The following VWA8 variants were observed in gnomAD, a reference collection of about 807,000 sequenced individuals.
VWA8 encodes the protein von Willebrand factor A domain containing 8.
In VWA8, 221 loss-of-function variants were observed where a neutral mutation model predicts 241.5. That is an observed-to-expected ratio of 0.91 (90% CI 0.82 to 1.02). The LOEUF (loss-of-function observed/expected upper bound fraction) is 1.02, where lower values mean the gene tolerates loss of function less well. VWA8 is among the 50% of genes least tolerant of loss of function. The pLI is 0.00. For synonymous variants in VWA8, 852 were observed against 827.1 expected, an observed-to-expected ratio of 1.03 and a Z score of -0.52; for missense variants, 2,322 against 2,328.7, an observed-to-expected ratio of 1.00 and a Z score of 0.06.
intron 14 of VWA8, among the ~76,000 whole-genome samples, chr13:41,823,461 G>A (rs1871048291): frequency 6.6e-6 from 1 of 152,124 alleles, no homozygotes; most frequent in Non-Finnish European, 1.5e-5. Flanking sequence ...AATATAAACT[G>A]TTAATAACAG....
At chr13:41,825,743 T>C (rs1303556931) in intron 14 of VWA8, among the ~76,000 whole-genome samples, 2 of 152,244 alleles carry the variant, frequency 1.3e-5, no homozygotes, top group Non-Finnish European at 2.9e-5. Flanking sequence ...ATAATCACTT[T>C]GCTAAAATTC....
chr13:41,657,714 C>A (rs1289443490), intron 37 of VWA8, among the ~76,000 whole-genome samples: 1 of 152,100 alleles, frequency 6.6e-6, no homozygotes, highest in African/African-American at 2.4e-5. Context: ...TGGTCTCGAT[C>A]TCCTGACCTC....
At position 41,690,411 on chromosome 13, in the gene VWA8, T is replaced by A. The variant is rs760686632; in HGVS notation, c.3867-136A>T. 7.4e-6 allele frequency: 5 copies of A among 675,914 alleles called. No homozygotes were observed. The African/African-American group carries it at 9.2e-5, about 12-fold the overall frequency. 41.9% of individuals were successfully genotyped at this position (675,914 alleles called of 1,614,324 possible). A position where few individuals can be genotyped will look rare whatever the true frequency, so the allele number is the denominator to read the frequency against. On this transcript the variant is annotated intron_variant, in intron 32 of 44. Transcript: ENST00000379310. Reference sequence around the variant, plus strand: ...TATAATTTGCAGTTTTAGAGTTTCATCATGAATTAACAAATAACTTCTCAA... The same window carrying A: ...TATAATTTGCAGTTTTAGAGTTTCAACATGAATTAACAAATAACTTCTCAA...
intron 4 of VWA8, among the ~76,000 whole-genome samples, chr13:41,899,449 C>T (rs1045606088): frequency 2.6e-5 from 4 of 151,884 alleles, no homozygotes; most frequent in African/African-American, 7.3e-5. Context: ...AGTTGTAGAC[C>T]CAGAACATAT....
rs146969371 is a variant in VWA8 at position 41,745,684 on chromosome 13, C to T, written c.2427-13529G>A. ...TGCCATCTCTCACCAGTTAGAATGACGATCACTAAAAAGTCAGTAAACAAC... is the reference window on the plus strand; with the variant it reads ...TGCCATCTCTCACCAGTTAGAATGATGATCACTAAAAAGTCAGTAAACAAC... On this transcript the variant is annotated intron_variant, in intron 21 of 44. Coordinates refer to ENST00000379310, the MANE Select transcript of VWA8 (RefSeq NM_015058.2). Among the ~76,000 whole-genome samples the T allele has an allele frequency of 6.6e-4, 100 of 152,178 alleles. No homozygotes were observed. In the East Asian group the frequency reaches 0.017, roughly 27 times the overall value.
At position 41,738,807 on chromosome 13, in the gene VWA8, G is replaced by GA. The variant is rs554482531; in HGVS notation, c.2427-6653dup. 1.9e-4 allele frequency among the ~76,000 whole-genome samples: 29 copies of GA among 151,056 alleles called. 1 individual carries two copies. The highest frequency in any genetic ancestry group is 7.7e-4 in the East Asian group (4 of 5,168). ...AAACACATTTTCTAATCATTTTTTT[G>GA]AAAAAAAATGGAAGAATGAAATAAG... On this transcript the variant is annotated intron_variant, in intron 21 of 44. Coordinates refer to ENST00000379310, the MANE Select transcript of VWA8 (RefSeq NM_015058.2).
At chr13:41,718,508 A>G (rs1208788663) in intron 26 of VWA8, among the ~76,000 whole-genome samples, 1 of 151,924 alleles carries the variant, frequency 6.6e-6, no homozygotes, top group East Asian at 1.9e-4. Flanking sequence ...AATAATATAA[A>G]CCAATGCACG....
intron 36 of VWA8, 85 bp from the exon 37 acceptor site, chr13:41,671,232 G>A: frequency 7.0e-7 from 1 of 1,428,598 alleles, no homozygotes; most frequent in Non-Finnish European, 9.8e-7. Context: ...GTTCTTTACT[G>A]TTGAAAAAGT....
At chr13:41,620,018 T>C (rs1158567393) in intron 37 of VWA8, among the ~76,000 whole-genome samples, 2 of 152,350 alleles carry the variant, frequency 1.3e-5, no homozygotes, top group East Asian at 1.9e-4. Flanking sequence ...TCTTTTTCTA[T>C]TGATTGGAAT....
chr13:41,898,894 C>T (rs1250056959), intron 4 of VWA8, among the ~76,000 whole-genome samples: 2 of 43,916 alleles, frequency 4.6e-5, no homozygotes, highest in African/African-American at 9.8e-5. Flanking sequence ...GCCAAGCCCA[C>T]GCCCACCCGG....
chr13:41,584,643 G>A (rs567582429), intron 42 of VWA8, among the ~76,000 whole-genome samples: 5 of 152,218 alleles, frequency 3.3e-5, no homozygotes, highest in South Asian at 2.1e-4. Context: ...AACCATTAAC[G>A]TGCTTCTTGT....
At chr13:41,741,364 C>T (rs1284885175) in intron 21 of VWA8, among the ~76,000 whole-genome samples, 2 of 152,204 alleles carry the variant, frequency 1.3e-5, no homozygotes, top group African/African-American at 4.8e-5. Flanking sequence ...CTCCTTTCTG[C>T]AAAGTTTTCT....
intron 21 of VWA8, among the ~76,000 whole-genome samples, chr13:41,745,353 T>C (rs1352502498): frequency 1.3e-5 from 2 of 152,134 alleles, no homozygotes; most frequent in Admixed American, 6.5e-5. Context: ...AGCGTTTTCA[T>C]TGTTCAATTC....
At chr13:41,752,160 A>G (rs1283426216) in intron 21 of VWA8, among the ~76,000 whole-genome samples, 1 of 152,154 alleles carries the variant, frequency 6.6e-6, no homozygotes, top group Non-Finnish European at 1.5e-5. Context: ...CACCAACAGT[A>G]TGATCTGGAT....
chr13:41,659,634 T>C (rs1461069109), intron 37 of VWA8, among the ~76,000 whole-genome samples: 4 of 152,348 alleles, frequency 2.6e-5, no homozygotes, highest in Admixed American at 6.5e-5. Context: ...CCTAGGTCTA[T>C]TCAAATAGAG....
At chr13:41,773,952 T>C (rs1273431986) in intron 20 of VWA8, among the ~76,000 whole-genome samples, 2 of 152,210 alleles carry the variant, frequency 1.3e-5, no homozygotes, top group East Asian at 1.9e-4. Context: ...TTTACTCTCT[T>C]GAGTAGGTAG....
intron 13 of VWA8, among the ~76,000 whole-genome samples, 195 bp from the exon 14 acceptor site, chr13:41,830,837 G>T (rs2090811560): frequency 6.6e-6 from 1 of 152,032 alleles, no homozygotes. Flanking sequence ...CTGTACTGGA[G>T]GGCAGTAGTC....
chr13:41,819,775 C>T (rs1870869215), intron 14 of VWA8, among the ~76,000 whole-genome samples: 1 of 152,142 alleles, frequency 6.6e-6, no homozygotes, highest in African/African-American at 2.4e-5. Context: ...TCCTGTCTCA[C>T]AAGGAACCCA....
At chr13:41,591,706 C>A (rs2044455868) in intron 40 of VWA8, among the ~76,000 whole-genome samples, 2 of 148,918 alleles carry the variant, frequency 1.3e-5, no homozygotes, top group Admixed American at 1.3e-4. Context: ...CCAAAAAACA[C>A]ATGAAAAAAT....
Sources: allele counts gnomAD v4.1 joint callset (sites outside exome capture counted in the v4.1 genomes callset), GRCh38; gene constraint gnomAD v4.1.1; transcripts MANE v1.5; gene names NCBI Gene and HGNC (gene_info 2026-07-23, HGNC 2026-07-21).